Variants in AIRE observed in about 807,000 individuals in gnomAD.
The protein encoded by AIRE is autoimmune regulator, also known as autoimmune polyendocrinopathy candidiasis ectodermal dystrophy protein.
Under a neutral mutation model 62.1 loss-of-function variants are expected in AIRE, and 52 were observed. That is an observed-to-expected ratio of 0.84 (90% CI 0.67 to 1.06). The LOEUF (loss-of-function observed/expected upper bound fraction) is 1.06, where lower values mean the gene tolerates loss of function less well. AIRE is among the 50% of genes least tolerant of loss of function. The pLI, the probability that AIRE is intolerant of heterozygous loss-of-function variation, is 0.00. For missense variants in AIRE, 774 were observed against 755.8 expected (o/e 1.02, Z -0.28); for synonymous variants, 342 against 321.6 (o/e 1.06, Z -0.68).
At position 44,286,154 on chromosome 21, in the gene AIRE, G is replaced by GCCC. The variant is rs2040479550; in HGVS notation, c.132+20_132+22dup. The GCCC allele has an allele frequency of 1.1e-6, 1 of 937,944 alleles. No individual in the cohort carries two copies. Among genetic ancestry groups the GCCC allele is most frequent in the Non-Finnish European group, 1.5e-6 (1 of 659,992 alleles). 58.1% of individuals were successfully genotyped at this position (937,944 alleles called of 1,614,324 possible). ...CAAGTTTCAGGTGGGCTCCCCGCCC[G>GCCC]CCCCCCGCTGCCCCCAGGCCCTGTG... On this transcript the variant is annotated intron_variant, in intron 1 of 13. Coordinates refer to ENST00000291582, the MANE Select transcript of AIRE (RefSeq NM_000383.4). The surrounding 1 kb of genome is among the most constrained non-coding windows in gnomAD (Gnocchi z 6.0).
Position 44,296,414 on chromosome 21 carries a change from A to T in AIRE, c.1535A>T (p.His512Leu). 6.2e-7 allele frequency: 1 copy of T among 1,612,540 alleles called. No homozygotes were observed. The highest frequency in any genetic ancestry group is 8.5e-7 in the Non-Finnish European group (1 of 1,179,844). The part of the protein sequence containing the change: ...DDTASHEPAL[H>L]RDDLESLLSE... ...ACTGCCAGTCACGAGCCCGCTCTGC[A>T]CAGGGATGACCTGGAGTCCCTTCTG... Residue 512 changes from histidine (H) to leucine (L), a missense_variant, in exon 13 of 14, where the codon CAC (histidine) becomes CTC (leucine). Physicochemically the swap from His to Leu is moderately conservative, Grantham distance 99. Transcript: ENST00000291582.
At chr21:44,295,130 G>GC (rs1287708092) in intron 12 of AIRE, among the ~76,000 whole-genome samples, 13 of 152,312 alleles carry the variant, frequency 8.5e-5, no homozygotes, top group Middle Eastern at 3.4e-3. Flanking sequence ...ACCGTCCCCA[G>GC]CAGAGGCCTC....
rs1391427966 is a variant in AIRE, at chr21:44,287,209, C to T, written c.463+76C>T. On this transcript the variant is annotated intron_variant, in intron 3 of 13. Coordinates refer to ENST00000291582, the MANE Select transcript of AIRE (RefSeq NM_000383.4). The surrounding 1 kb of genome is among the most constrained non-coding windows in gnomAD (Gnocchi z 4.3). ...TCCCCGGGAGCCCACGCCCCCTCCC[C>T]ACCCGGGCTCCCACCCACTGGGTGT... 2 of 1,565,604 alleles carry T rather than the reference C, an allele frequency of 1.3e-6. No homozygotes were observed. Among genetic ancestry groups the T allele is most frequent in the African/African-American group, 1.4e-5 (1 of 73,638 alleles).
rs535383465 is a variant in AIRE, at chr21:44,286,522, A to C, written c.133-35A>C. On this transcript the variant is annotated intron_variant, in intron 1 of 13. Transcript: ENST00000291582. The surrounding 1 kb of genome is among the most constrained non-coding windows in gnomAD (Gnocchi z 6.0). Reference sequence around the variant, plus strand: ...ATGGGCAGGCCGCAGGGTGTGGGGGACCATGGCAGGGACCCTCATGCCACC... The same window carrying C: ...ATGGGCAGGCCGCAGGGTGTGGGGGCCCATGGCAGGGACCCTCATGCCACC... 1 of 1,591,872 alleles carries C rather than the reference A, an allele frequency of 6.3e-7. No individual in the cohort carries two copies. The highest frequency in any genetic ancestry group is 8.6e-7 in the Non-Finnish European group (1 of 1,165,566).
In AIRE at chr21:44,297,192, A is replaced by T. The variant is rs1041802628; in HGVS notation, c.1567-464A>T. The stretch of plus-strand genomic sequence containing the variant: ...GTCCCCGGGTATAGCTGGAGAAATG[A>T]GCGACGGGCTCACAGCCTCTCCCGG... On this transcript the variant is annotated intron_variant, in intron 13 of 13. Coordinates refer to ENST00000291582, the MANE Select transcript of AIRE (RefSeq NM_000383.4). The surrounding 1 kb of genome is among the most constrained non-coding windows in gnomAD (Gnocchi z 4.8). 3.3e-5 allele frequency among the ~76,000 whole-genome samples: 5 copies of T among 152,192 alleles called. No homozygotes were observed. Among genetic ancestry groups the T allele is most frequent in the African/African-American group, 9.7e-5 (4 of 41,450 alleles).
chr21:44,293,946 A>G (rs762914949), intron 11 of AIRE, 36 bp downstream of exon 11: 1 of 1,592,636 alleles, frequency 6.3e-7, no homozygotes, highest in South Asian at 1.1e-5. Context: ...GCCTGAACCC[A>G]CACCCACACC....
Position 44,293,863 on chromosome 21 carries a change from T to G in AIRE, c.1353T>G (p.Ala451=), listed in dbSNP as rs781502496. 6 of 1,596,626 alleles carry G rather than the reference T, an allele frequency of 3.8e-6. No individual in the cohort carries two copies. Among genetic ancestry groups the G allele is most frequent in the Non-Finnish European group, 5.1e-6 (6 of 1,179,532 alleles). Residue 451 remains alanine (A), a synonymous_variant, in exon 11 of 14, where the codon GCT becomes GCG. Transcript: ENST00000291582. ...TGCTGCGGTGTACTCACTGCGCCGC[T>G]GCCTTCCACTGGCGCTGCCACTTCC... is the stretch of plus-strand genomic sequence containing the variant. ...TDVLRCTHCA[A]AFHWRCHFPA...
In AIRE at chr21:44,286,923, C is replaced by T; in HGVS notation, c.308-55C>T. 4 of 1,611,318 alleles carry T rather than the reference C, an allele frequency of 2.5e-6. No individual in the cohort carries two copies. The highest frequency in any genetic ancestry group is 3.4e-6 in the Non-Finnish European group (4 of 1,178,966). ...AAGGTGTCCAGTTCTGGGGCCCACC[C>T]TACCCCTGGAGAAAACCCTGAGGTT... On this transcript the variant is annotated intron_variant, in intron 2 of 13. Transcript: ENST00000291582. The surrounding 1 kb of genome is among the most constrained non-coding windows in gnomAD (Gnocchi z 6.0).
rs2040549675 is a variant in AIRE, at chr21:44,292,346, A to G, written c.1040A>G (p.Glu347Gly). 6.3e-7 allele frequency: 1 copy of G among 1,576,240 alleles called. No individual in the cohort carries two copies. Among genetic ancestry groups the G allele is most frequent in the Non-Finnish European group, 8.6e-7 (1 of 1,161,426 alleles). Residue 347 changes from glutamate (E) to glycine (G), a missense_variant, in exon 9 of 14, where the codon GAG becomes GGG. Glu to Gly is a moderately conservative substitution (Grantham distance 98). This residue lies in a region of AIRE where 354 missense variants were observed against 296.1 expected (regional missense o/e 1.20). Transcript: ENST00000291582. ...CSSCLQATVQ[E>G]VQPRAEEPRP... is the part of the protein sequence containing the mutation. ...AGCTGCCTGCAGGCAACAGTCCAGG[A>G]GGTGCAGCCCCGGGCAGAGGAGCCC...
At chr21:44,295,070 G>A (rs1161590529) in intron 12 of AIRE, among the ~76,000 whole-genome samples, 1 of 152,010 alleles carries the variant, frequency 6.6e-6, no homozygotes, top group African/African-American at 2.4e-5. Context: ...GTGTGGGGGA[G>A]GCCCGAGTCG....
chr21:44,289,501 CG>C, intron 5 of AIRE, 155 bp from the exon 6 acceptor site: 1 of 868,660 alleles, frequency 1.2e-6, no homozygotes, highest in Middle Eastern at 3.6e-4. Flanking sequence ...GGACAATCCC[CG>C]GGCCCCAGAC....
rs1272044102 is a variant in AIRE at position 44,286,154 on chromosome 21, G to A, written c.132+16G>A. ...CAAGTTTCAGGTGGGCTCCCCGCCC[G>A]CCCCCCGCTGCCCCCAGGCCCTGTG... On this transcript the variant is annotated intron_variant, in intron 1 of 13. Transcript: ENST00000291582. This position sits in a 1 kb window ranked among gnomAD's most constrained non-coding sequence, Gnocchi z 6.0. The A allele has an allele frequency of 3.1e-5, 35 of 1,130,566 alleles. No homozygotes were observed. The highest frequency in any genetic ancestry group is 1.2e-4 in the Admixed American group (5 of 41,804). The allele number at this position is 1,130,566 out of a possible 1,614,324, so 70.0% of individuals were successfully genotyped here. A position where few individuals can be genotyped will look rare whatever the true frequency, so the allele number is the denominator to read the frequency against.
At position 44,287,500 on chromosome 21, in the gene AIRE, C is replaced by A; in HGVS notation, c.464-17C>A. On this transcript the variant is annotated splice_polypyrimidine_tract_variant and intron_variant, in intron 3 of 13. Coordinates refer to ENST00000291582, the MANE Select transcript of AIRE (RefSeq NM_000383.4). The surrounding 1 kb of genome is among the most constrained non-coding windows in gnomAD (Gnocchi z 4.3). ...ACTGAGAGGGGAGGCCAGGCTGCCCCCAGCTCCCCCATTCAGGCTCTCAAC... is the reference window on the plus strand; with the variant it reads ...ACTGAGAGGGGAGGCCAGGCTGCCCACAGCTCCCCCATTCAGGCTCTCAAC... 1 of 1,548,572 alleles carries A rather than the reference C, an allele frequency of 6.5e-7. No individual in the cohort carries two copies. Among genetic ancestry groups the A allele is most frequent in the Non-Finnish European group, 8.7e-7 (1 of 1,145,558 alleles).
Position 44,293,075 on chromosome 21 carries a change from T to C in AIRE, c.1178T>C (p.Val393Ala), listed in dbSNP as rs2040559681. ...CTAGCCGGCATGGACACGACTCTTG[T>C]CTACAAGCACCTGCCGGCTCCGCCT... is the stretch of plus-strand genomic sequence containing the variant. ...EPLAGMDTTL[V>A]YKHLPAPPSA... The change falls in exon 10 of 14, where the codon GTC (valine) becomes GCC (alanine). Residue 393 changes from valine to alanine, a missense_variant. Physicochemically the swap from Val to Ala is moderately conservative, Grantham distance 64. Coordinates refer to ENST00000291582, the MANE Select transcript of AIRE (RefSeq NM_000383.4). 1.2e-6 allele frequency: 2 copies of C among 1,612,152 alleles called. No homozygotes were observed. Among genetic ancestry groups the C allele is most frequent in the African/African-American group, 1.3e-5 (1 of 74,878 alleles).
Position 44,289,945 on chromosome 21 carries a change from C to T in AIRE, c.799-43C>T, listed in dbSNP as rs748736303. On this transcript the variant is annotated intron_variant, in intron 6 of 13. Coordinates refer to ENST00000291582, the MANE Select transcript of AIRE (RefSeq NM_000383.4). ...GGTGCCACAGCCATGTGCACCCTCG[C>T]TGCTGAGGCTGCCCCCATTGCTGAC... The T allele has an allele frequency of 3.8e-6, 6 of 1,599,504 alleles. No individual in the cohort carries two copies. In the South Asian group the frequency reaches 5.6e-5, roughly 15 times the overall value.
At position 44,287,577 on chromosome 21, in the gene AIRE, T is replaced by C. The variant is rs972262344; in HGVS notation, c.524T>C (p.Leu175Pro). ...GAGAGCAGCGCAGAGCAGCAGCGCC[T>C]TCCACTCGGGAACGGTGAGCGGGGC... ...KPESSAEQQR[L>P]PLGNGIQTMS... The change falls in exon 4 of 14, where the codon CTT becomes CCT. Residue 175 changes from leucine (L) to proline (P), a missense_variant. Transcript: ENST00000291582. The surrounding 1 kb of genome is among the most constrained non-coding windows in gnomAD (Gnocchi z 4.3). 1.3e-6 allele frequency: 2 copies of C among 1,557,064 alleles called. No individual in the cohort carries two copies. Among genetic ancestry groups the C allele is most frequent in the African/African-American group, 1.4e-5 (1 of 73,664 alleles).
chr21:44,297,823 G>T lies in AIRE; in HGVS notation c.*96G>T. 2 of 1,182,604 alleles carry T rather than the reference G, an allele frequency of 1.7e-6. No homozygotes were observed. Among genetic ancestry groups the T allele is most frequent in the East Asian group, 5.0e-5 (2 of 39,644 alleles). 73.3% of individuals were successfully genotyped at this position (1,182,604 alleles called of 1,614,324 possible). A position where few individuals can be genotyped will look rare whatever the true frequency, so the allele number is the denominator to read the frequency against. ...AAGCCGGCCGGCTGGGATCAAGAAG[G>T]GGACAGCGCCACCTCTTGTCAGTGC... On this transcript the variant is annotated 3_prime_UTR_variant, in exon 14 of 14. Transcript: ENST00000291582. This position sits in a 1 kb window ranked among gnomAD's most constrained non-coding sequence, Gnocchi z 4.8.
rs1197123495 is a variant in AIRE, at chr21:44,297,970, A to G, written c.*243A>G. 3 of 501,392 alleles carry G rather than the reference A, an allele frequency of 6.0e-6. No individual in the cohort carries two copies. The East Asian group carries it at 1.1e-4, about 18-fold the overall frequency. The allele number at this position is 501,392 out of a possible 1,614,324, so 31.1% of individuals were successfully genotyped here. On this transcript the variant is annotated 3_prime_UTR_variant, in exon 14 of 14. Transcript: ENST00000291582. This position sits in a 1 kb window ranked among gnomAD's most constrained non-coding sequence, Gnocchi z 4.8. ...GCCTCTCCTTGCCTGGTGACCTACT[A>G]AAAATATAAAAATTAGCTGGGTGTG...
At position 44,296,399 on chromosome 21, in the gene AIRE, A is replaced by T. The variant is rs373920616; in HGVS notation, c.1520A>T (p.His507Leu). ...PGPAKDDTAS[H>L]EPALHRDDLE... ...GGGTTCCAGGATGACACTGCCAGTC[A>T]CGAGCCCGCTCTGCACAGGGATGAC... Residue 507 changes from histidine to leucine, a missense_variant, in exon 13 of 14, where the codon CAC becomes CTC. By Grantham distance (99) the His-to-Leu change is moderately conservative. Coordinates refer to ENST00000291582, the MANE Select transcript of AIRE (RefSeq NM_000383.4). 2 of 1,612,320 alleles carry T rather than the reference A, an allele frequency of 1.2e-6. No homozygotes were observed. Among genetic ancestry groups the T allele is most frequent in the African/African-American group, 2.7e-5 (2 of 74,808 alleles).
Sources: gnomAD v4.1 joint callset for allele counts (sites outside exome capture counted in the v4.1 genomes callset) on GRCh38, gnomAD v4.1.1 for gene constraint, gnomAD v4.1.1 regional missense constraint, Gnocchi (gnomAD v3.1) non-coding constraint, MANE v1.5 for transcripts, NCBI Gene and HGNC (gene_info 2026-07-23, HGNC 2026-07-21) for gene names.